The following ESYT3 variants were observed in gnomAD, a reference collection of about 807,000 sequenced individuals.
ESYT3 encodes extended synaptotagmin-3.
ESYT3 carries 101 observed loss-of-function variants against 111.5 expected under a neutral mutation model. The observed-to-expected ratio is 0.91, with a 90% CI of 0.77 to 1.07. The LOEUF is 1.07. Ranked by LOEUF, ESYT3 falls within the 50% of genes least tolerant of loss-of-function variation. ESYT3 has a pLI of 0.00. For missense variants in ESYT3, 1,097 were observed against 1,109.4 expected (o/e 0.99, Z 0.16); for synonymous variants, 416 against 446.8 (o/e 0.93, Z 0.87).
At chr3:138,443,023 A>G (rs2108594159) in intron 1 of ESYT3, among the ~76,000 whole-genome samples, 1 of 152,300 alleles carries the variant, frequency 6.6e-6, no homozygotes, top group East Asian at 1.9e-4. Flanking sequence ...ATCATCGCTT[A>G]GGTCCCCTTT....
At chr3:138,445,148 C>A (rs1051485153) in intron 1 of ESYT3, among the ~76,000 whole-genome samples, 4 of 152,218 alleles carry the variant, frequency 2.6e-5, no homozygotes, top group South Asian at 2.1e-4. Flanking sequence ...GTCTGAGAAT[C>A]GCTGCAGAGC....
chr3:138,453,750 G>T (rs530037711), intron 2 of ESYT3, among the ~76,000 whole-genome samples: 1 of 151,486 alleles, frequency 6.6e-6, no homozygotes, highest in African/African-American at 2.4e-5. Flanking sequence ...GCCCAGAGGC[G>T]CTGGGTCCTG....
At position 138,470,405 on chromosome 3, in the gene ESYT3, A is replaced by G. The variant is rs138836062; in HGVS notation, c.1590+259A>G. On this transcript the variant is annotated intron_variant, in intron 16 of 22. Transcript: ENST00000389567. ...GCAAAAGGGTCTTTATATTTGCTACACAGTACCCAGAGCAGCCTATCTACA... is the reference window on the plus strand; with the variant it reads ...GCAAAAGGGTCTTTATATTTGCTACGCAGTACCCAGAGCAGCCTATCTACA... 6.3e-4 allele frequency: 744 copies of G among 1,177,576 alleles called. 5 individuals carry two copies. In the African/African-American group the frequency reaches 9.5e-3, roughly 15 times the overall value. The allele number at this position is 1,177,576 out of a possible 1,614,324, so 72.9% of individuals were successfully genotyped here.
rs2033601489 is a variant in ESYT3, at chr3:138,478,830, G to A, written c.*1976G>A. The A allele has an allele frequency of 6.6e-6, 1 of 152,186 alleles. No homozygotes were observed. The highest frequency in any genetic ancestry group is 2.4e-5 in the African/African-American group (1 of 41,420). 9.4% of individuals were successfully genotyped at this position (152,186 alleles called of 1,614,324 possible). On this transcript the variant is annotated 3_prime_UTR_variant, in exon 23 of 23. Transcript: ENST00000389567. The stretch of plus-strand genomic sequence containing the variant: ...GACAAGAATTGGTTTTCAGCAGTGG[G>A]TGGAAACAATCAGCTAATATGCAGG...
chr3:138,445,224 G>A (rs1253657078), intron 1 of ESYT3, among the ~76,000 whole-genome samples: 1 of 152,188 alleles, frequency 6.6e-6, no homozygotes, highest in African/African-American at 2.4e-5. Flanking sequence ...CCAGCCTCGT[G>A]GGGAACTGCA....
Position 138,434,828 on chromosome 3 carries a change from G to C in ESYT3, c.30G>C (p.Gly10=). 6.4e-7 allele frequency: 1 copy of C among 1,557,244 alleles called. No individual in the cohort carries two copies. Among genetic ancestry groups the C allele is most frequent in the Admixed American group, 1.9e-5 (1 of 52,686 alleles). The change falls in exon 1 of 23, where the codon GGG becomes GGC. Residue 10 remains glycine, a synonymous_variant. Coordinates refer to ENST00000389567, the MANE Select transcript of ESYT3 (RefSeq NM_031913.5). ...GAGCAGAGGAGCCCTGCGCCCCCGG[G>C]GCCCCCAGCGCCCTGGGAGCCCAGC... is the stretch of plus-strand genomic sequence containing the variant. MRAEEPCAP[G]APSALGAQRT... is the part of the protein sequence containing the mutation.
Position 138,458,508 on chromosome 3 carries a change from T to G in ESYT3, c.582-679T>G, listed in dbSNP as rs1420537846. Among the ~76,000 whole-genome samples, 4 of 152,240 alleles carry G rather than the reference T, an allele frequency of 2.6e-5. No individual in the cohort carries two copies. In the East Asian group the frequency reaches 7.7e-4, roughly 29 times the overall value. On this transcript the variant is annotated intron_variant, in intron 4 of 22. Coordinates refer to ENST00000389567, the MANE Select transcript of ESYT3 (RefSeq NM_031913.5). ...TCAAGAGGCACTCGGTTTTTGCGAT[T>G]TGTGACATTGGGCTCCTCTGCCTGT...
rs200630035 is a variant in ESYT3 at position 138,473,634 on chromosome 3, G to T, written c.2336G>T (p.Arg779Ile). ...CTCAGCGTGCTAATCAATGGCTGCA[G>T]GTAAAGGGATTCTAGGGCCAGGGAG... ...RCLSVLINGC[R>I]NLTPCTSSGA... The change falls in exon 19 of 23, where the codon AGA becomes ATA. Residue 779 changes from arginine to isoleucine, a missense_variant and splice_region_variant. By Grantham distance (97) the Arg-to-Ile change is moderately conservative. Coordinates refer to ENST00000389567, the MANE Select transcript of ESYT3 (RefSeq NM_031913.5). 1.8e-4 allele frequency: 285 copies of T among 1,612,890 alleles called. 2 individuals carry two copies. Among genetic ancestry groups the T allele is most frequent in the Admixed American group, 4.5e-4 (27 of 59,988 alleles).
intron 18 of ESYT3, 49 bp from the exon 19 acceptor site, chr3:138,473,487 G>A: frequency 1.3e-6 from 2 of 1,526,266 alleles, no homozygotes; most frequent in Admixed American, 1.7e-5. Context: ...TGGCGGAAGA[G>A]GGCCAATGCT....
chr3:138,480,562 G>A (rs1020419049), downstream of ESYT3: 2 of 152,156 alleles, frequency 1.3e-5, no homozygotes, highest in Non-Finnish European at 2.9e-5. Context: ...CTGTAGTTCT[G>A]TTCCCTAAGA....
chr3:138,474,117 G>A, intron 19 of ESYT3, 104 bp from the exon 20 acceptor site: 1 of 1,446,830 alleles, frequency 6.9e-7, no homozygotes, highest in Non-Finnish European at 9.4e-7. Flanking sequence ...TCTCTCAAAT[G>A]TTTGAAGTGT....
intron 1 of ESYT3, among the ~76,000 whole-genome samples, chr3:138,438,907 C>T (rs968007905): frequency 9.2e-5 from 14 of 152,184 alleles, no homozygotes; most frequent in African/African-American, 2.4e-4. Flanking sequence ...GGGTGGCCCC[C>T]GCAGCTCACC....
chr3:138,460,036 T>C lies in ESYT3; in HGVS notation c.738+2T>C. ...ACTGTGTTCTTCCTTCAGAAGCCGG[T>C]GAGTCCCAAGGACTGCGGTAAGCCT... On this transcript the variant is annotated splice_donor_variant, in intron 6 of 22. Coordinates refer to ENST00000389567, the MANE Select transcript of ESYT3 (RefSeq NM_031913.5). LOFTEE classifies it high-confidence loss of function. 6.2e-7 allele frequency: 1 copy of C among 1,613,924 alleles called. No homozygotes were observed. Among genetic ancestry groups the C allele is most frequent in the Non-Finnish European group, 8.5e-7 (1 of 1,179,816 alleles).
rs1560203419 is a variant in ESYT3, at chr3:138,434,819, C to CGCCCCCGGG, written c.28_36dup (p.Gly10_Pro12dup). 1.0e-5 allele frequency: 16 copies of CGCCCCCGGG among 1,560,608 alleles called. No individual in the cohort carries two copies. The highest frequency in any genetic ancestry group is 1.4e-5 in the Non-Finnish European group (16 of 1,154,874). On this transcript the variant is annotated inframe_insertion, in exon 1 of 23. Coordinates refer to ENST00000389567, the MANE Select transcript of ESYT3 (RefSeq NM_031913.5). ...ACGAGATGCGAGCAGAGGAGCCCTG[C>CGCCCCCGGG]GCCCCCGGGGCCCCCAGCGCCCTGG...
At chr3:138,452,740 C>T (rs1159988900) in intron 2 of ESYT3, among the ~76,000 whole-genome samples, 1 of 152,154 alleles carries the variant, frequency 6.6e-6, no homozygotes, top group Non-Finnish European at 1.5e-5. Context: ...TGTGAGGGCT[C>T]CACGGCAGTC....
In ESYT3 at chr3:138,455,310, G is replaced by A; in HGVS notation, c.486G>A (p.Lys162=). Residue 162 remains lysine (K), a synonymous_variant, in exon 3 of 23, where the codon AAG becomes AAA. Coordinates refer to ENST00000389567, the MANE Select transcript of ESYT3 (RefSeq NM_031913.5). ...ACCTGAGGACCTTTACCTTTACCAAGCTCTACTTTGGACAGAAGGTGGGTG... is the reference window on the plus strand; with the variant it reads ...ACCTGAGGACCTTTACCTTTACCAAACTCTACTTTGGACAGAAGGTGGGTG... ...SIHLRTFTFT[K]LYFGQKCPRV... is the part of the protein sequence containing the mutation. The A allele has an allele frequency of 1.9e-6, 3 of 1,614,132 alleles. No homozygotes were observed. Among genetic ancestry groups the A allele is most frequent in the Non-Finnish European group, 2.5e-6 (3 of 1,180,014 alleles).
intron 1 of ESYT3, among the ~76,000 whole-genome samples, chr3:138,443,126 C>T (rs1185584150): frequency 6.6e-6 from 1 of 152,124 alleles, no homozygotes; most frequent in African/African-American, 2.4e-5. Context: ...TGTCAGTGTT[C>T]TCATCACTGT....
intron 1 of ESYT3, 75 bp from the exon 2 acceptor site, chr3:138,451,973 C>T (rs1287447367): frequency 2.6e-6 from 4 of 1,555,234 alleles, no homozygotes; most frequent in Admixed American, 1.7e-5. Context: ...ATGGGAAGCC[C>T]GCCAGGCTGG....
Position 138,468,872 on chromosome 3 carries a change from G to A in ESYT3, c.1425G>A (p.Arg475=). The A allele has an allele frequency of 1.9e-6, 3 of 1,614,198 alleles. No individual in the cohort carries two copies. The highest frequency in any genetic ancestry group is 2.5e-6 in the Non-Finnish European group (3 of 1,180,030). ...AATATCGAGCCAAAAAACTCTCCAG[G>A]TTTGCCAGAGTGAGTGAGTATGTGG... ...NGEYRAKKLS[R]FARNKVSKDP... Residue 475 remains arginine (R), a synonymous_variant, in exon 14 of 23, where the codon AGG becomes AGA. Transcript: ENST00000389567.
Sources: allele counts gnomAD v4.1 joint callset (sites outside exome capture counted in the v4.1 genomes callset), GRCh38; gene constraint gnomAD v4.1.1; transcripts MANE v1.5; gene names NCBI Gene and HGNC (gene_info 2026-07-23, HGNC 2026-07-21).